THRB: variants seen among roughly 807,000 people sequenced by gnomAD.
THRB encodes the protein thyroid hormone receptor beta, also known as nuclear receptor subfamily 1 group A member 2.
Under a neutral mutation model 47.8 loss-of-function variants are expected in THRB, and 12 were observed. The observed-to-expected ratio is 0.25, with a 90% CI of 0.16 to 0.41. THRB has a LOEUF of 0.41. Ranked by LOEUF, THRB falls within the 10% of genes least tolerant of loss-of-function variation. THRB has a pLI of 1.00. For missense variants in THRB, 348 were observed against 589.2 expected, an observed-to-expected ratio of 0.59 and a Z score of 4.24; for synonymous variants, 218 against 212.2, an observed-to-expected ratio of 1.03 and a Z score of -0.24.
intron 3 of THRB, among the ~76,000 whole-genome samples, chr3:24,249,650 T>C (rs1418675600): frequency 6.6e-6 from 1 of 152,168 alleles, no homozygotes; most frequent in Non-Finnish European, 1.5e-5. Flanking sequence ...AAGAAATCTG[T>C]ACACATTCAG....
At chr3:24,201,666 G>A (rs1034893097) in intron 4 of THRB, among the ~76,000 whole-genome samples, 1 of 152,170 alleles carries the variant, frequency 6.6e-6, no homozygotes, top group Non-Finnish European at 1.5e-5. Flanking sequence ...AGAAATCAGA[G>A]GGGAAAGTAG....
At chr3:24,223,662 G>C (rs1012057374) in intron 4 of THRB, among the ~76,000 whole-genome samples, 7 of 152,084 alleles carry the variant, frequency 4.6e-5, no homozygotes, top group African/African-American at 1.7e-4. Context: ...CAACTTTCCT[G>C]TAAGTATAAA....
At chr3:24,436,154 T>G (rs1261481155) in intron 1 of THRB, among the ~76,000 whole-genome samples, 2 of 151,706 alleles carry the variant, frequency 1.3e-5, no homozygotes, top group East Asian at 1.9e-4. Flanking sequence ...TGGGGGCAAG[T>G]GCAGGAAGCT....
In THRB at chr3:24,363,267, C is replaced by A. The variant is rs115613903; in HGVS notation, c.-260-25896G>T. Among the ~76,000 whole-genome samples, 1,401 of 152,178 alleles carry A rather than the reference C, an allele frequency of 9.2e-3. 14 individuals carry two copies. The highest frequency in any genetic ancestry group is 0.024 in the Middle Eastern group (7 of 294). ...CTGCAGGAATTTAAGAGTCCAAAGA[C>A]ACTGTAGGAAATTACCACTGCAAAC... On this transcript the variant is annotated intron_variant, in intron 1 of 10. Transcript: ENST00000646209.
At chr3:24,464,301 T>C (rs1385764634) in intron 1 of THRB, among the ~76,000 whole-genome samples, 1 of 151,470 alleles carries the variant, frequency 6.6e-6, no homozygotes, top group East Asian at 1.9e-4. Context: ...TTGGTTAATA[T>C]GGCACATTAC....
chr3:24,283,887 C>G (rs1294380226), intron 3 of THRB, among the ~76,000 whole-genome samples: 2 of 147,880 alleles, frequency 1.4e-5, no homozygotes, highest in Admixed American at 1.3e-4. Flanking sequence ...TGTGAAGGAC[C>G]TCTTCAAGGA....
intron 1 of THRB, among the ~76,000 whole-genome samples, chr3:24,360,615 A>G (rs2063992644): frequency 6.6e-6 from 1 of 152,092 alleles, no homozygotes; most frequent in Admixed American, 6.6e-5. Context: ...TCCCAATTCC[A>G]ATTTAACTGA....
In THRB at chr3:24,133,510, C is replaced by A. The variant is rs763556662; in HGVS notation, c.739-48G>T. 3 of 1,561,678 alleles carry A rather than the reference C, an allele frequency of 1.9e-6. No individual in the cohort carries two copies. The African/African-American group carries it at 4.1e-5, about 21-fold the overall frequency. On this transcript the variant is annotated intron_variant, in intron 8 of 10. Coordinates refer to ENST00000646209, the MANE Select transcript of THRB (RefSeq NM_001354712.2). Reference sequence around the variant, plus strand: ...ATTTAAATGAAGAAGTTGAAGGGAGCTTTATTTATCATAGTTCTTATGTGG... The same window carrying A: ...ATTTAAATGAAGAAGTTGAAGGGAGATTTATTTATCATAGTTCTTATGTGG...
chr3:24,323,769 A>C (rs2058640141), intron 2 of THRB, among the ~76,000 whole-genome samples: 1 of 152,224 alleles, frequency 6.6e-6, no homozygotes, highest in African/African-American at 2.4e-5. Flanking sequence ...AGGATTTAGA[A>C]ATTAAGTATG....
rs144316445 is a variant in THRB, at chr3:24,437,657, T to C, written c.-261+56995A>G. Among the ~76,000 whole-genome samples, 23 of 152,116 alleles carry C rather than the reference T, an allele frequency of 1.5e-4. No individual in the cohort carries two copies. In the East Asian group the frequency reaches 2.7e-3, roughly 18 times the overall value. ...CAAAAATATGCACAACTATTATATA[T>C]TAACAAAAAAGTTTGCTGGAAAAAA... On this transcript the variant is annotated intron_variant, in intron 1 of 10. Coordinates refer to ENST00000646209, the MANE Select transcript of THRB (RefSeq NM_001354712.2).
At chr3:24,483,141 C>A (rs1696728247) in intron 1 of THRB, among the ~76,000 whole-genome samples, 1 of 151,906 alleles carries the variant, frequency 6.6e-6, no homozygotes, top group Non-Finnish European at 1.5e-5. Context: ...TTTCTTTGTT[C>A]TTTTTACTTA....
chr3:24,380,389 T>C (rs1035251901), intron 1 of THRB, among the ~76,000 whole-genome samples: 1 of 151,976 alleles, frequency 6.6e-6, no homozygotes, highest in African/African-American at 2.4e-5. Flanking sequence ...CTCTTTTCCA[T>C]GACCCTGCCA....
At chr3:24,339,871 G>A (rs1401133774) in intron 1 of THRB, among the ~76,000 whole-genome samples, 7 of 152,236 alleles carry the variant, frequency 4.6e-5, no homozygotes, top group African/African-American at 1.7e-4. Context: ...CCCTGGGACA[G>A]CTTTAGCTCA....
chr3:24,182,546 T>C (rs749913834), intron 5 of THRB, among the ~76,000 whole-genome samples: 1 of 152,222 alleles, frequency 6.6e-6, no homozygotes, highest in Non-Finnish European at 1.5e-5. Flanking sequence ...GTGATTATTC[T>C]GACGTGGGCA....
At chr3:24,198,100 T>C (rs1559572675) in intron 4 of THRB, among the ~76,000 whole-genome samples, 1 of 152,174 alleles carries the variant, frequency 6.6e-6, no homozygotes. Context: ...TTGCCTGGCC[T>C]GGGAACTTTT....
intron 3 of THRB, among the ~76,000 whole-genome samples, chr3:24,248,332 A>G (rs1008005581): frequency 6.6e-6 from 1 of 152,168 alleles, no homozygotes; most frequent in African/African-American, 2.4e-5. Context: ...TACTCCTCTA[A>G]TAAAGAAAAT....
intron 1 of THRB, among the ~76,000 whole-genome samples, chr3:24,467,948 T>G (rs1166739684): frequency 1.3e-5 from 2 of 152,236 alleles, no homozygotes; most frequent in African/African-American, 2.4e-5. Context: ...ATTGGCCTCT[T>G]CTTCCAACAG....
chr3:24,176,799 G>A (rs1458965886), intron 5 of THRB, among the ~76,000 whole-genome samples: 1 of 152,154 alleles, frequency 6.6e-6, no homozygotes, highest in Non-Finnish European at 1.5e-5. Context: ...CACAGGAATG[G>A]GGAGTAACTG....
At chr3:24,165,270 A>G (rs1356755604) in intron 5 of THRB, 3 of 764,990 alleles carry the variant, frequency 3.9e-6, no homozygotes, top group Non-Finnish European at 4.8e-6. Context: ...TCTTCAAAAT[A>G]CGCGTAATAA....
Sources: gnomAD v4.1 joint callset for allele counts (sites outside exome capture counted in the v4.1 genomes callset) on GRCh38, gnomAD v4.1.1 for gene constraint, MANE v1.5 for transcripts, NCBI Gene and HGNC (gene_info 2026-07-23, HGNC 2026-07-21) for gene names.